ZNF521: variants seen among roughly 807,000 people sequenced by gnomAD.
The protein encoded by ZNF521 is LYST-interacting protein 3.
A neutral mutation model predicts 105.5 loss-of-function variants in ZNF521; 14 were observed. The observed-to-expected ratio is 0.13, with a 90% CI of 0.09 to 0.21. The LOEUF is 0.21. ZNF521 is among the 10% of genes least tolerant of loss of function. ZNF521 has a pLI of 1.00. For synonymous variants in ZNF521, 635 were observed against 606.0 expected, an observed-to-expected ratio of 1.05 and a Z score of -0.70; for missense variants, 1,233 against 1,629.7, an observed-to-expected ratio of 0.76 and a Z score of 4.19.
intron 5 of ZNF521, among the ~76,000 whole-genome samples, chr18:25,094,232 T>C (rs1312082948): frequency 6.6e-6 from 1 of 152,156 alleles, no homozygotes; most frequent in Admixed American, 6.5e-5. Context: ...TGTTCTGTAA[T>C]GTAATATTAT....
intron 2 of ZNF521, among the ~76,000 whole-genome samples, chr18:25,326,631 G>T (rs2145160883): frequency 6.6e-6 from 1 of 152,328 alleles, no homozygotes; most frequent in African/African-American, 2.4e-5. Flanking sequence ...CTGGCAGCAA[G>T]TACACAGTGC....
intron 2 of ZNF521, among the ~76,000 whole-genome samples, chr18:25,336,714 C>A (rs557087135): frequency 7.3e-4 from 111 of 152,270 alleles, no homozygotes; most frequent in African/African-American, 2.6e-3. Flanking sequence ...CTAGCCCCCA[C>A]AAAACAGGCT....
rs1213929111 is a variant in ZNF521 at position 25,249,455 on chromosome 18, C to T, written c.221-21758G>A. On this transcript the variant is annotated intron_variant, in intron 3 of 7. Coordinates refer to ENST00000361524, the MANE Select transcript of ZNF521 (RefSeq NM_015461.3). ...TACAGGCTTGAGCCACCACGCCGGG[C>T]CTTTACTTTCTTTCTTTTTTTTTTT... Among the ~76,000 whole-genome samples, 6 of 150,820 alleles carry T rather than the reference C, an allele frequency of 4.0e-5. No homozygotes were observed. The East Asian group carries it at 9.8e-4, about 25-fold the overall frequency.
chr18:25,221,918 A>T (rs978046981), intron 4 of ZNF521, among the ~76,000 whole-genome samples: 8 of 152,178 alleles, frequency 5.3e-5, no homozygotes, highest in African/African-American at 1.9e-4. Flanking sequence ...ATTAGTCTAA[A>T]TAATATGGTA....
intron 5 of ZNF521, among the ~76,000 whole-genome samples, chr18:25,134,738 C>T (rs1294358041): frequency 6.6e-6 from 1 of 152,162 alleles, no homozygotes; most frequent in Non-Finnish European, 1.5e-5. Context: ...CCAGCCTCCT[C>T]CCCTGGCCAC....
At chr18:25,237,629 G>C (rs1907002764) in intron 3 of ZNF521, among the ~76,000 whole-genome samples, 1 of 152,142 alleles carries the variant, frequency 6.6e-6, no homozygotes, top group Non-Finnish European at 1.5e-5. Context: ...TGTGGCCACA[G>C]TAATGAGACA....
At position 25,226,326 on chromosome 18, in the gene ZNF521, T is replaced by A; in HGVS notation, c.1592A>T (p.His531Leu). ...GAGGTCACAATGAACCTGTCTAATA[T>A]GCTCTTCCAGGGAAGAGTCAGTGAG... Reference protein sequence around the residue: ...GFLTDSSLEEHIRQVHCDLSG... With the variant: ...GFLTDSSLEELIRQVHCDLSG... The change falls in exon 4 of 8, where the codon CAT becomes CTT. Residue 531 changes from histidine (H) to leucine (L), a missense_variant. By Grantham distance (99) the His-to-Leu change is moderately conservative. This residue lies in a region of ZNF521 where 380 missense variants were observed against 478.0 expected (regional missense o/e 0.80). Transcript: ENST00000361524. This position sits in a 1 kb window ranked among gnomAD's most constrained non-coding sequence, Gnocchi z 4.1. 6.2e-7 allele frequency: 1 copy of A among 1,614,194 alleles called. No individual in the cohort carries two copies. The highest frequency in any genetic ancestry group is 8.5e-7 in the Non-Finnish European group (1 of 1,180,026).
intron 3 of ZNF521, among the ~76,000 whole-genome samples, chr18:25,309,947 T>G (rs1912201371): frequency 1.3e-5 from 2 of 152,208 alleles, no homozygotes; most frequent in African/African-American, 4.8e-5. Flanking sequence ...TCTTTTAAAT[T>G]TTTTTAACAA....
At chr18:25,322,489 C>T (rs1167310407) in intron 2 of ZNF521, among the ~76,000 whole-genome samples, 1 of 142,934 alleles carries the variant, frequency 7.0e-6, no homozygotes, top group African/African-American at 2.6e-5. Flanking sequence ...TTTTAGTTTT[C>T]GCTTAAAAGA....
intron 5 of ZNF521, among the ~76,000 whole-genome samples, chr18:25,117,239 G>C (rs11874269): frequency 4.4e-4 from 66 of 151,228 alleles, no homozygotes; most frequent in African/African-American, 1.2e-3. Flanking sequence ...CTCTCTCTCT[G>C]TATAAATAGA....
At position 25,206,292 on chromosome 18, in the gene ZNF521, G is replaced by T. The variant is rs2036079006; in HGVS notation, c.3574-11048C>A. Reference sequence around the variant, plus strand: ...CAAAGTGCTGGGATTACAGGTGTAAGCCAGAGCCACCGCGCCCGGCCCATT... The same window carrying T: ...CAAAGTGCTGGGATTACAGGTGTAATCCAGAGCCACCGCGCCCGGCCCATT... On this transcript the variant is annotated intron_variant, in intron 4 of 7. Transcript: ENST00000361524. Among the ~76,000 whole-genome samples the T allele has an allele frequency of 1.3e-5, 2 of 152,128 alleles. 1 individual carries two copies. Among genetic ancestry groups the T allele is most frequent in the African/African-American group, 4.8e-5 (2 of 41,442 alleles).
chr18:25,166,524 T>C (rs756712749), intron 5 of ZNF521, among the ~76,000 whole-genome samples: 6 of 152,194 alleles, frequency 3.9e-5, no homozygotes, highest in Non-Finnish European at 7.4e-5. Flanking sequence ...AAAGAAGAGA[T>C]AAAGACACAT....
At chr18:25,136,552 A>G (rs2034737518) in intron 5 of ZNF521, among the ~76,000 whole-genome samples, 1 of 152,104 alleles carries the variant, frequency 6.6e-6, no homozygotes, top group Non-Finnish European at 1.5e-5. Context: ...TCATAGAAGG[A>G]GAGGTTCAGG....
chr18:25,198,331 T>C (rs900875589), intron 4 of ZNF521, among the ~76,000 whole-genome samples: 1 of 151,784 alleles, frequency 6.6e-6, no homozygotes, highest in Non-Finnish European at 1.5e-5. Context: ...CTGGTTAAGG[T>C]ACTCAGAGAC....
At chr18:25,296,100 T>A (rs919582415) in intron 3 of ZNF521, among the ~76,000 whole-genome samples, 1 of 152,222 alleles carries the variant, frequency 6.6e-6, no homozygotes, top group Non-Finnish European at 1.5e-5. Context: ...CACTTCCTTA[T>A]CCATCTTTTT....
At chr18:25,255,470 G>A (rs1239015605) in intron 3 of ZNF521, among the ~76,000 whole-genome samples, 2 of 151,862 alleles carry the variant, frequency 1.3e-5, no homozygotes, top group Non-Finnish European at 1.5e-5. Flanking sequence ...TTGGGTTCTC[G>A]TTTTTCAGAT....
intron 5 of ZNF521, among the ~76,000 whole-genome samples, chr18:25,134,357 C>T (rs981263528): frequency 4.6e-5 from 7 of 152,124 alleles, no homozygotes; most frequent in African/African-American, 1.7e-4. Flanking sequence ...AGAATATAAC[C>T]ACCATAGCTA....
At chr18:25,322,654 T>C (rs369689040) in intron 2 of ZNF521, among the ~76,000 whole-genome samples, 6 of 151,608 alleles carry the variant, frequency 4.0e-5, no homozygotes, top group African/African-American at 1.5e-4. Flanking sequence ...GCTAAGCCAA[T>C]TACCATAGGC....
chr18:25,305,774 T>C (rs772122997), intron 3 of ZNF521, among the ~76,000 whole-genome samples: 3 of 152,228 alleles, frequency 2.0e-5, no homozygotes, highest in Non-Finnish European at 4.4e-5. Context: ...TTCTGGAAGA[T>C]ATTCAAATCT....
Sources: gnomAD v4.1 joint callset for allele counts (sites outside exome capture counted in the v4.1 genomes callset) on GRCh38, gnomAD v4.1.1 for gene constraint, gnomAD v4.1.1 regional missense constraint, Gnocchi (gnomAD v3.1) non-coding constraint, MANE v1.5 for transcripts, NCBI Gene and HGNC (gene_info 2026-07-23, HGNC 2026-07-21) for gene names.